The following RUFY4 variants were observed in gnomAD, a reference collection of about 807,000 sequenced individuals.
The protein encoded by RUFY4 is RUN and FYVE domain containing 4.
In RUFY4, 73 loss-of-function variants were observed where a neutral mutation model predicts 69.0. The observed-to-expected ratio is 1.06, with a 90% CI of 0.88 to 1.29. RUFY4 has a LOEUF of 1.29. RUFY4 is among the 50% of genes most tolerant of loss of function. The pLI, the probability that RUFY4 is intolerant of heterozygous loss-of-function variation, is 0.00. For synonymous variants in RUFY4, 287 were observed against 271.8 expected, an observed-to-expected ratio of 1.06 and a Z score of -0.55; for missense variants, 770 against 705.6, an observed-to-expected ratio of 1.09 and a Z score of -1.03.
intron 6 of RUFY4, 92 bp downstream of exon 8, chr2:218,073,977 G>A: frequency 7.9e-7 from 1 of 1,267,586 alleles, no homozygotes; most frequent in Non-Finnish European, 1.1e-6. Flanking sequence ...CCCTCCGAGT[G>A]TACAGAGAGC....
At chr2:218,046,000 G>T (rs1688818513) in intron 2 of RUFY4, among the ~76,000 whole-genome samples, 1 of 151,996 alleles carries the variant, frequency 6.6e-6, no homozygotes. Context: ...TAGAGACAGG[G>T]TTTCATCGTG....
upstream of RUFY4, among the ~76,000 whole-genome samples, chr2:218,065,078 A>G (rs962338799): frequency 6.6e-6 from 1 of 152,164 alleles, no homozygotes; most frequent in African/African-American, 2.4e-5. Context: ...CAGCCTGGGA[A>G]CGGGTGGAGA....
chr2:218,078,122 C>T (rs1689678463), intron 8 of RUFY4, among the ~76,000 whole-genome samples: 3 of 152,190 alleles, frequency 2.0e-5, no homozygotes. Flanking sequence ...CGCCTGCCCT[C>T]ATGGAGCTTG....
At chr2:218,053,135 T>C (rs1240332116) in intron 2 of RUFY4, among the ~76,000 whole-genome samples, 1 of 151,954 alleles carries the variant, frequency 6.6e-6, no homozygotes, top group Non-Finnish European at 1.5e-5. Context: ...CGTGATTCTA[T>C]TTTAATTAAA....
exon 7 of RUFY4, chr2:218,075,429 G>A: frequency 6.2e-7 from 1 of 1,612,384 alleles, no homozygotes; most frequent in Non-Finnish European, 8.5e-7. Flanking sequence ...GATAGGGATG[G>A]AGGCTGAGGT....
rs747124816 is a variant in RUFY4, at chr2:218,089,778, C to T, written c.1614-174C>T. ...GCTCTGGAGGGGTCGGGCATCAGGA[C>T]ACCCTTCAGGAGAGGGGAGACCTCC... is the stretch of plus-strand genomic sequence containing the variant. On this transcript the variant is annotated intron_variant, in intron 10 of 10. Coordinates refer to ENST00000344321, the Ensembl canonical transcript of RUFY4. The T allele has an allele frequency of 5.1e-5, 36 of 710,216 alleles. No individual in the cohort carries two copies. The Admixed American group carries it at 7.2e-4, about 14-fold the overall frequency. 44.0% of individuals were successfully genotyped at this position (710,216 alleles called of 1,614,324 possible).
In RUFY4 at chr2:218,074,071, T is replaced by C; in HGVS notation, c.600+186T>C. Reference sequence around the variant, plus strand: ...GCTGCAGAGGAGGAGAGGGCTCCTATTCCTGGGGTGGCGGGGACACTGGGA... The same window carrying C: ...GCTGCAGAGGAGGAGAGGGCTCCTACTCCTGGGGTGGCGGGGACACTGGGA... On this transcript the variant is annotated intron_variant, in intron 6 of 10. Transcript: ENST00000344321. 4.7e-6 allele frequency: 3 copies of C among 641,134 alleles called. No homozygotes were observed. In the South Asian group the frequency reaches 5.8e-5, roughly 12 times the overall value. 39.7% of individuals were successfully genotyped at this position (641,134 alleles called of 1,614,324 possible).
exon 11 of RUFY4, chr2:218,090,030 G>A (rs750949124): frequency 1.9e-6 from 3 of 1,555,126 alleles, no homozygotes; most frequent in Non-Finnish European, 2.6e-6. Context: ...CCTGCGCCCA[G>A]GGAAGAGAAG....
At chr2:218,062,737 A>G (rs1689230719) in intron 3 of RUFY4, among the ~76,000 whole-genome samples, 1 of 152,182 alleles carries the variant, frequency 6.6e-6, no homozygotes, top group Non-Finnish European at 1.5e-5. Flanking sequence ...ATAACATAAA[A>G]TAAAAATAAA....
upstream of RUFY4, chr2:218,068,920 G>GA (rs1689413399): frequency 6.6e-6 from 1 of 152,362 alleles, no homozygotes; most frequent in South Asian, 2.1e-4. Flanking sequence ...TGACAGAGAC[G>GA]AGACAACCAC....
intron 2 of RUFY4, among the ~76,000 whole-genome samples, chr2:218,035,852 C>T (rs1958968431): frequency 6.6e-6 from 1 of 152,358 alleles, no homozygotes; most frequent in East Asian, 1.9e-4. Context: ...CCTCAAAGAA[C>T]ACACATTTCC....
intron 2 of RUFY4, among the ~76,000 whole-genome samples, chr2:218,046,690 A>C (rs1269886936): frequency 6.6e-6 from 1 of 152,192 alleles, no homozygotes; most frequent in African/African-American, 2.4e-5. Flanking sequence ...ATTTTATACA[A>C]TTTCTAGAAC....
At chr2:218,055,909 C>G (rs1689051067) in intron 2 of RUFY4, among the ~76,000 whole-genome samples, 1 of 152,194 alleles carries the variant, frequency 6.6e-6, no homozygotes, top group Non-Finnish European at 1.5e-5. Flanking sequence ...CATTGACTAC[C>G]TTTCCACTTC....
At position 218,047,963 on chromosome 2, in the gene RUFY4, A is replaced by G. The variant is rs564892686; in HGVS notation, c.-1157-10632A>G. On this transcript the variant is annotated intron_variant and NMD_transcript_variant, in intron 2 of 13. Coordinates refer to the RUFY4 transcript ENST00000457754. The stretch of plus-strand genomic sequence containing the variant: ...CTTCTGGCTACTTCTGATGGGTTGA[A>G]CTTATAAGTTCTGTTTTTCTATAGT... Among the ~76,000 whole-genome samples the G allele has an allele frequency of 2.0e-3, 301 of 152,272 alleles. 1 individual carries two copies. Among genetic ancestry groups the G allele is most frequent in the Non-Finnish European group, 3.4e-3 (230 of 68,010 alleles).
intron 4 of RUFY4, 69 bp from the exon 7 acceptor site, chr2:218,073,174 G>T: frequency 2.0e-6 from 3 of 1,514,470 alleles, no homozygotes; most frequent in Non-Finnish European, 1.8e-6. Context: ...AGCTGGGGTG[G>T]GGGTGGTTGG....
rs963038981 is a variant in RUFY4, at chr2:218,073,812, T to G, written c.531-4T>G. On this transcript the variant is annotated splice_region_variant and splice_polypyrimidine_tract_variant and intron_variant, in intron 5 of 10. Transcript: ENST00000344321. Reference sequence around the variant, plus strand: ...CAGGGTCCCCCTGCCTCTTTCACTTTCAGGTCACGCTGCTCCAGTTCCACC... The same window carrying G: ...CAGGGTCCCCCTGCCTCTTTCACTTGCAGGTCACGCTGCTCCAGTTCCACC... 2.5e-6 allele frequency: 4 copies of G among 1,613,752 alleles called. No homozygotes were observed. The highest frequency in any genetic ancestry group is 3.4e-6 in the Non-Finnish European group (4 of 1,179,866).
chr2:218,060,242 G>A (rs1345261167), intron 3 of RUFY4: 6 of 1,186,826 alleles, frequency 5.1e-6, no homozygotes, highest in African/African-American at 3.0e-5. Context: ...GGGCTGCACT[G>A]ACACTGAGAC....
chr2:218,089,956 T>C, exon 11 of RUFY4: 1 of 1,558,474 alleles, frequency 6.4e-7, no homozygotes, highest in Non-Finnish European at 8.7e-7. Flanking sequence ...TTCCAGGCTC[T>C]GTGGAGGCCT....
chr2:218,044,002 T>A (rs1228920519), intron 2 of RUFY4, among the ~76,000 whole-genome samples: 1 of 152,250 alleles, frequency 6.6e-6, no homozygotes, highest in Non-Finnish European at 1.5e-5. Context: ...GCTATGACAG[T>A]GCCCAGGTTC....
Sources: allele counts gnomAD v4.1 joint callset (sites outside exome capture counted in the v4.1 genomes callset), GRCh38; gene constraint gnomAD v4.1.1; transcripts MANE v1.5; gene names NCBI Gene and HGNC (gene_info 2026-07-23, HGNC 2026-07-21).